Variants in JARID2 observed in about 807,000 individuals in gnomAD.
JARID2 encodes the protein jumonji and AT-rich interaction domain containing 2.
Under a neutral mutation model 125.6 loss-of-function variants are expected in JARID2, and 21 were observed. The observed-to-expected ratio is 0.17, with a 90% CI of 0.12 to 0.24. JARID2 has a LOEUF of 0.24. Ranked by LOEUF, JARID2 falls within the 10% of genes least tolerant of loss-of-function variation. The pLI is 1.00. For synonymous variants in JARID2, 736 were observed against 661.6 expected (o/e 1.11, Z -1.73); for missense variants, 1,303 against 1,639.6 (o/e 0.79, Z 3.55).
chr6:15,519,773 G>A (rs1475297310), intron 17 of JARID2, among the ~76,000 whole-genome samples: 1 of 152,142 alleles, frequency 6.6e-6, no homozygotes, highest in African/African-American at 2.4e-5. Flanking sequence ...AGTGCTCCGT[G>A]GTAGAGGCAG....
At chr6:15,306,958 T>C (rs1761850424) in intron 1 of JARID2, among the ~76,000 whole-genome samples, 1 of 149,888 alleles carries the variant, frequency 6.7e-6, no homozygotes, top group Non-Finnish European at 1.5e-5. Flanking sequence ...TTAAAAAATT[T>C]AGACTGGGCG....
rs55646638 is a variant in JARID2 at position 15,363,566 on chromosome 6, T to A, written c.46-10551T>A. 7.3e-3 allele frequency among the ~76,000 whole-genome samples: 1,106 copies of A among 152,330 alleles called. 16 individuals carry two copies. The highest frequency in any genetic ancestry group is 0.026 in the African/African-American group (1,061 of 41,562). ...TTCAAGTGCCTGCTACGTGCTGGAC[T>A]CATTGCTATGTCTCAGGAACATAAA... On this transcript the variant is annotated intron_variant, in intron 1 of 17. Transcript: ENST00000341776.
intron 1 of JARID2, among the ~76,000 whole-genome samples, chr6:15,307,347 C>G (rs1031224480): frequency 2.6e-5 from 4 of 152,004 alleles, no homozygotes; most frequent in Non-Finnish European, 4.4e-5. Flanking sequence ...CTCAGCCTCC[C>G]TAGGAGCTGG....
At chr6:15,404,111 C>G (rs1765550694) in intron 2 of JARID2, among the ~76,000 whole-genome samples, 1 of 152,224 alleles carries the variant, frequency 6.6e-6, no homozygotes, top group Non-Finnish European at 1.5e-5. Flanking sequence ...CATCCTGCCT[C>G]ATGACTTGGC....
chr6:15,439,368 C>T (rs1179669742), intron 3 of JARID2, among the ~76,000 whole-genome samples: 2 of 152,126 alleles, frequency 1.3e-5, no homozygotes, highest in Admixed American at 6.5e-5. Context: ...ATTTATTCTC[C>T]CGTTTCTTTC....
chr6:15,290,567 G>T lies in JARID2; in HGVS notation c.45+43983G>T, dbSNP rs151292977. On this transcript the variant is annotated intron_variant, in intron 1 of 17. Coordinates refer to ENST00000341776, the MANE Select transcript of JARID2 (RefSeq NM_004973.4). ...TTTCTGTACACAGTTTGTAGGGTTAGTATTTGGCCAGAATCAATCTCATGT... is the reference window on the plus strand; with the variant it reads ...TTTCTGTACACAGTTTGTAGGGTTATTATTTGGCCAGAATCAATCTCATGT... 1.9e-3 allele frequency among the ~76,000 whole-genome samples: 293 copies of T among 152,268 alleles called. 4 individuals carry two copies. The highest frequency in any genetic ancestry group is 6.5e-3 in the African/African-American group (272 of 41,546).
At chr6:15,394,012 A>G (rs183715038) in intron 2 of JARID2, among the ~76,000 whole-genome samples, 1 of 152,268 alleles carries the variant, frequency 6.6e-6, no homozygotes, top group East Asian at 1.9e-4. Flanking sequence ...TCGTGAAATT[A>G]TATTTCATCT....
intron 5 of JARID2, among the ~76,000 whole-genome samples, chr6:15,469,376 CT>C (rs1291737259): frequency 6.6e-5 from 2 of 30,412 alleles, no homozygotes; most frequent in African/African-American, 1.2e-4. Flanking sequence ...CCTTCTCCCC[CT>C]CTCCCCCTCT....
At chr6:15,404,666 C>T (rs1765579476) in intron 2 of JARID2, among the ~76,000 whole-genome samples, 2 of 152,116 alleles carry the variant, frequency 1.3e-5, no homozygotes, top group East Asian at 1.9e-4. Flanking sequence ...GGGTGACAGA[C>T]GGCATTGGCT....
At chr6:15,477,139 C>T (rs1769382680) in intron 5 of JARID2, among the ~76,000 whole-genome samples, 1 of 152,010 alleles carries the variant, frequency 6.6e-6, no homozygotes, top group African/African-American at 2.4e-5. Context: ...CATTGGACTC[C>T]CAGCTGGAAT....
chr6:15,453,157 C>T (rs761393715), intron 4 of JARID2, among the ~76,000 whole-genome samples: 13 of 152,160 alleles, frequency 8.5e-5, no homozygotes, highest in Non-Finnish European at 1.8e-4. Flanking sequence ...ATACGTGGCC[C>T]CCATGCAGTC....
At chr6:15,432,329 G>A (rs1767001143) in intron 3 of JARID2, among the ~76,000 whole-genome samples, 1 of 152,134 alleles carries the variant, frequency 6.6e-6, no homozygotes, top group Admixed American at 6.5e-5. Flanking sequence ...TCGGTAGGCT[G>A]AGGCTGAGGC....
At chr6:15,475,045 T>C (rs1769273664) in intron 5 of JARID2, among the ~76,000 whole-genome samples, 1 of 152,202 alleles carries the variant, frequency 6.6e-6, no homozygotes, top group Non-Finnish European at 1.5e-5. Flanking sequence ...TCATGTGTAA[T>C]AAATACAGAT....
At chr6:15,455,272 T>A (rs1768108628) in intron 4 of JARID2, among the ~76,000 whole-genome samples, 1 of 152,110 alleles carries the variant, frequency 6.6e-6, no homozygotes, top group African/African-American at 2.4e-5. Flanking sequence ...TTTTTTTTTT[T>A]AAATGACAAA....
At chr6:15,425,464 G>A (rs1166149609) in intron 3 of JARID2, among the ~76,000 whole-genome samples, 1 of 152,156 alleles carries the variant, frequency 6.6e-6, no homozygotes, top group Non-Finnish European at 1.5e-5. Flanking sequence ...AATTTCATGT[G>A]TTAGAAACTT....
At chr6:15,252,059 G>C (rs1759476999) in intron 1 of JARID2, among the ~76,000 whole-genome samples, 1 of 152,080 alleles carries the variant, frequency 6.6e-6, no homozygotes, top group African/African-American at 2.4e-5. Flanking sequence ...AAAAATGTGG[G>C]CCAGACATTT....
intron 1 of JARID2, among the ~76,000 whole-genome samples, chr6:15,332,935 CTTT>C (rs33921682): frequency 1.4e-4 from 6 of 42,166 alleles, no homozygotes; most frequent in African/African-American, 4.7e-4. Flanking sequence ...CTTTTCTTTT[CTTT>C]TTTTTTTTTT....
chr6:15,250,421 T>A (rs960222288), intron 1 of JARID2, among the ~76,000 whole-genome samples: 9 of 152,196 alleles, frequency 5.9e-5, no homozygotes, highest in Non-Finnish European at 8.8e-5. Flanking sequence ...TTTATTGCTG[T>A]ATTTTTTCTT....
At chr6:15,443,284 C>T (rs1767524627) in intron 3 of JARID2, among the ~76,000 whole-genome samples, 1 of 152,052 alleles carries the variant, frequency 6.6e-6, no homozygotes, top group African/African-American at 2.4e-5. Context: ...GTTATGTCAG[C>T]GTTCCTAAGG....
Sources: gnomAD v4.1 joint callset for allele counts (sites outside exome capture counted in the v4.1 genomes callset) on GRCh38, gnomAD v4.1.1 for gene constraint, MANE v1.5 for transcripts, NCBI Gene and HGNC (gene_info 2026-07-23, HGNC 2026-07-21) for gene names.